Variants in SETD5 observed in about 807,000 individuals in gnomAD.
The protein encoded by SETD5 is histone-lysine N-methyltransferase SETD5.
Under a neutral mutation model 153.3 loss-of-function variants are expected in SETD5, and 44 were observed. That is an observed-to-expected ratio of 0.29 (90% confidence interval 0.23 to 0.37). The LOEUF is 0.37. Among genes scored for constraint, SETD5 ranks in the 10% least tolerant of loss-of-function variants. The probability of loss-of-function intolerance (pLI) is 1.00; values close to 1 mark genes in which losing one functional copy is unlikely to be tolerated. For missense variants in SETD5, 1,544 were observed against 1,768.0 expected, an observed-to-expected ratio of 0.87 and a Z score of 2.27; for synonymous variants, 716 against 645.2, an observed-to-expected ratio of 1.11 and a Z score of -1.66.
chr3:9,407,239 A>C (rs1442612918), intron 1 of SETD5, among the ~76,000 whole-genome samples: 1 of 152,150 alleles, frequency 6.6e-6, no homozygotes, highest in African/African-American at 2.4e-5. Context: ...GAGGCATAAG[A>C]ATTGCTTGAC....
rs1204016830 is a variant in SETD5, at chr3:9,448,666, G to T, written c.2346+36G>T. 3 of 1,471,134 alleles carry T rather than the reference G, an allele frequency of 2.0e-6. No homozygotes were observed. The African/African-American group carries it at 4.3e-5, about 21-fold the overall frequency. The allele number at this position is 1,471,134 out of a possible 1,614,324, so 91.1% of individuals were successfully genotyped here. On this transcript the variant is annotated intron_variant, in intron 16 of 22. Transcript: ENST00000402198. ...GTTTTTGTGTGTGTGTTGTGTTTAT[G>T]TGTGTGTGCTTTATTTTTTTAAGCC...
Position 9,450,311 on chromosome 3 carries a change from A to T in SETD5, c.2346+1681A>T, listed in dbSNP as rs559225564. 2.0e-4 allele frequency among the ~76,000 whole-genome samples: 31 copies of T among 152,328 alleles called. No individual in the cohort carries two copies. The South Asian group carries it at 6.2e-3, about 31-fold the overall frequency. On this transcript the variant is annotated intron_variant, in intron 16 of 22. Coordinates refer to ENST00000402198, the MANE Select transcript of SETD5 (RefSeq NM_001080517.3). ...CCTTAATCTCATTTATACAGGCTCTACTCAAGCACTTTTATCTATGTGTCA... is the reference window on the plus strand; with the variant it reads ...CCTTAATCTCATTTATACAGGCTCTTCTCAAGCACTTTTATCTATGTGTCA...
rs565601251 is a variant in SETD5, at chr3:9,475,720, T to C, written c.3958T>C (p.Tyr1320His). 35 of 1,613,834 alleles carry C rather than the reference T, an allele frequency of 2.2e-5. No individual in the cohort carries two copies. The highest frequency in any genetic ancestry group is 2.9e-5 in the Non-Finnish European group (34 of 1,179,856). Reference protein sequence around the residue: ...SLAPFTGTPGYFSSQPHSGNS... With the variant: ...SLAPFTGTPGHFSSQPHSGNS... ...GGCCCCATTTACGGGGACACCAGGG[T>C]ATTTTAGCAGCCAGCCACATTCTGG... The change falls in exon 23 of 23, where the codon TAT (tyrosine) becomes CAT (histidine). Residue 1320 changes from tyrosine (Y) to histidine (H), a missense_variant. By Grantham distance (83) the Tyr-to-His change is moderately conservative (BLOSUM62 2). Coordinates refer to ENST00000402198, the MANE Select transcript of SETD5 (RefSeq NM_001080517.3).
At chr3:9,401,470 T>A (rs2034767408) in intron 1 of SETD5, among the ~76,000 whole-genome samples, 1 of 152,222 alleles carries the variant, frequency 6.6e-6, no homozygotes, top group African/African-American at 2.4e-5. Flanking sequence ...CTTGAAAACT[T>A]TTTTATATCT....
At chr3:9,444,789 ATC>A (rs2041737729) in intron 11 of SETD5, among the ~76,000 whole-genome samples, 1 of 152,026 alleles carries the variant, frequency 6.6e-6, no homozygotes, top group Non-Finnish European at 1.5e-5. Flanking sequence ...AGGTAGGAGG[ATC>A]ACTTGAGCCC....
At position 9,448,353 on chromosome 3, in the gene SETD5, T is replaced by A. The variant is rs1265461479; in HGVS notation, c.2104-35T>A. The A allele has an allele frequency of 2.5e-6, 4 of 1,606,184 alleles. No individual in the cohort carries two copies. The African/African-American group carries it at 5.3e-5, about 21-fold the overall frequency. ...CTTTATGAACTACACTGCTACCTCT[T>A]GATTTATAAACTAATGATCTCTTTT... is the stretch of plus-strand genomic sequence containing the variant. On this transcript the variant is annotated intron_variant, in intron 15 of 22. Transcript: ENST00000402198.
At chr3:9,431,172 G>C in intron 3 of SETD5, 1 of 985,390 alleles carries the variant, frequency 1.0e-6, no homozygotes, top group Non-Finnish European at 1.2e-6. Flanking sequence ...TTTTGTGTGT[G>C]TTTGTAGGAA....
chr3:9,411,483 A>C (rs1259903969), intron 1 of SETD5, among the ~76,000 whole-genome samples: 1 of 152,214 alleles, frequency 6.6e-6, no homozygotes, highest in Non-Finnish European at 1.5e-5. Context: ...ATAGTCTTTA[A>C]AAATACTAAA....
At chr3:9,463,223 A>C (rs2044190197) in intron 17 of SETD5, among the ~76,000 whole-genome samples, 1 of 152,162 alleles carries the variant, frequency 6.6e-6, no homozygotes, top group Admixed American at 6.5e-5. Context: ...GGGTTTTGCC[A>C]TATTGGCCAG....
intron 1 of SETD5, among the ~76,000 whole-genome samples, chr3:9,410,723 A>G (rs1391223203): frequency 1.3e-5 from 2 of 152,118 alleles, no homozygotes; most frequent in Non-Finnish European, 2.9e-5. Context: ...TAGTTCATTT[A>G]CTAAAACTAT....
chr3:9,454,820 T>C (rs1443418714), intron 17 of SETD5, among the ~76,000 whole-genome samples: 4 of 152,256 alleles, frequency 2.6e-5, no homozygotes, highest in South Asian at 4.1e-4. Flanking sequence ...CAGTTTCTCC[T>C]GCAAATATCA....
chr3:9,470,350 G>A (rs1026419927), intron 18 of SETD5, 109 bp from the exon 19 acceptor site: 23 of 802,414 alleles, frequency 2.9e-5, no homozygotes, highest in African/African-American at 2.2e-4. Flanking sequence ...CTCTACTTCC[G>A]TCCCTCTTAT....
In SETD5 at chr3:9,470,610, C is replaced by T. The variant is rs776223960; in HGVS notation, c.2876C>T (p.Pro959Leu). Residue 959 changes from proline (P) to leucine (L), a missense_variant, in exon 19 of 23, where the codon CCA (proline) becomes CTA (leucine). By Grantham distance (98) the Pro-to-Leu change is moderately conservative. This residue lies in a region of SETD5 where 782 missense variants were observed against 787.2 expected (regional missense o/e 0.99). Coordinates refer to ENST00000402198, the MANE Select transcript of SETD5 (RefSeq NM_001080517.3). ...GGACCCACTTCTGAGACTGGTTTCCCAAGCAGAAGTGGAGATGGACATCAG... is the reference window on the plus strand; with the variant it reads ...GGACCCACTTCTGAGACTGGTTTCCTAAGCAGAAGTGGAGATGGACATCAG... ...SLGPTSETGF[P>L]SRSGDGHQTL... 4.1e-5 allele frequency: 66 copies of T among 1,613,856 alleles called. No homozygotes were observed. The African/African-American group carries it at 8.1e-4, about 20-fold the overall frequency.
chr3:9,459,347 A>T (rs1227606516), intron 17 of SETD5, among the ~76,000 whole-genome samples: 1 of 152,200 alleles, frequency 6.6e-6, no homozygotes, highest in African/African-American at 2.4e-5. Flanking sequence ...ATGGAGTATC[A>T]TATACTATTT....
intron 18 of SETD5, among the ~76,000 whole-genome samples, chr3:9,465,378 T>C (rs2044430834): frequency 1.3e-5 from 2 of 152,170 alleles, no homozygotes; most frequent in Non-Finnish European, 2.9e-5. Context: ...TGACAGCAGG[T>C]TTCAATAGAA....
intron 17 of SETD5, among the ~76,000 whole-genome samples, chr3:9,455,151 C>CCTTTTTTTCTTT (rs2043073257): frequency 6.9e-6 from 1 of 144,526 alleles, no homozygotes; most frequent in Admixed American, 7.0e-5. Context: ...ACGTGAATTG[C>CCTTTTTTTCTTT]CTTTTTTTCT....
At chr3:9,433,180 A>C (rs2040173963) in intron 3 of SETD5, among the ~76,000 whole-genome samples, 1 of 152,244 alleles carries the variant, frequency 6.6e-6, no homozygotes, top group African/African-American at 2.4e-5. Flanking sequence ...ATAACTTTAC[A>C]GTTTAGTTTT....
intron 3 of SETD5, among the ~76,000 whole-genome samples, chr3:9,432,940 C>T (rs1226027195): frequency 1.3e-5 from 2 of 152,160 alleles, no homozygotes; most frequent in African/African-American, 4.8e-5. Context: ...AGAGCATAGA[C>T]TTTGGAGTCA....
chr3:9,400,215 C>CT (rs1455679076), intron 1 of SETD5, among the ~76,000 whole-genome samples: 7 of 152,054 alleles, frequency 4.6e-5, no homozygotes, highest in Non-Finnish European at 1.0e-4. Context: ...TAAAGCCTTT[C>CT]TTTTTTTGTT....
Sources: gnomAD v4.1 joint callset for allele counts (sites outside exome capture counted in the v4.1 genomes callset) on GRCh38, gnomAD v4.1.1 for gene constraint, gnomAD v4.1.1 regional missense constraint, MANE v1.5 for transcripts, NCBI Gene and HGNC (gene_info 2026-07-23, HGNC 2026-07-21) for gene names.